NTNG1: variants seen among roughly 807,000 people sequenced by gnomAD.
NTNG1 encodes the protein netrin G1, also known as netrin-G1.
A neutral mutation model predicts 54.0 loss-of-function variants in NTNG1; 16 were observed. The ratio of observed to expected loss-of-function variants is 0.30; its 90% CI spans 0.20 to 0.45. The LOEUF is 0.45. Ranked by LOEUF, NTNG1 falls within the 20% of genes least tolerant of loss-of-function variation. The pLI is 1.00. For missense variants in NTNG1, 530 were observed against 678.7 expected (o/e 0.78, Z 2.43); for synonymous variants, 255 against 263.1 (o/e 0.97, Z 0.30).
intron 7 of NTNG1, among the ~76,000 whole-genome samples, chr1:107,447,030 T>C (rs558926816): frequency 6.6e-6 from 1 of 152,218 alleles, no homozygotes; most frequent in African/African-American, 2.4e-5. Context: ...TTAACAATAT[T>C]CTTTCCCTTA....
intron 3 of NTNG1, among the ~76,000 whole-genome samples, chr1:107,353,675 A>G (rs12070488): frequency 0.21 from 32,026 of 152,078 alleles, 3,895 homozygotes; most frequent in East Asian, 0.43. Context: ...TTTTATGGCA[A>G]TGCCCCACTC....
chr1:107,398,420 T>C (rs180942379), intron 4 of NTNG1, among the ~76,000 whole-genome samples: 1 of 152,268 alleles, frequency 6.6e-6, no homozygotes, highest in East Asian at 1.9e-4. Context: ...AGGGATACCA[T>C]AGATGGGAAC....
At chr1:107,228,613 T>C (rs1660842763) in intron 2 of NTNG1, among the ~76,000 whole-genome samples, 1 of 152,186 alleles carries the variant, frequency 6.6e-6, no homozygotes, top group Non-Finnish European at 1.5e-5. Context: ...ATGGGTGAGA[T>C]AGTTTACAAT....
chr1:107,338,868 GC>G (rs1281505980), intron 3 of NTNG1, among the ~76,000 whole-genome samples: 1 of 112,476 alleles, frequency 8.9e-6, no homozygotes, highest in Non-Finnish European at 2.0e-5. Flanking sequence ...AAAGTAAGAA[GC>G]TTTAAAAAAA....
chr1:107,331,757 C>A (rs980543824), intron 3 of NTNG1, among the ~76,000 whole-genome samples: 3 of 152,052 alleles, frequency 2.0e-5, no homozygotes, highest in Non-Finnish European at 4.4e-5. Context: ...TTAACTTCCA[C>A]ATATAAGTCC....
intron 7 of NTNG1, among the ~76,000 whole-genome samples, chr1:107,474,363 A>G (rs547713742): frequency 7.9e-5 from 12 of 152,348 alleles, no homozygotes; most frequent in Admixed American, 7.8e-4. Context: ...CCTGTTGGGT[A>G]GAAATTTTCA....
At chr1:107,420,688 G>A (rs1263147078) in intron 5 of NTNG1, among the ~76,000 whole-genome samples, 1 of 151,970 alleles carries the variant, frequency 6.6e-6, no homozygotes, top group Non-Finnish European at 1.5e-5. Context: ...TGGTGTATAT[G>A]TCGAATAGTT....
At chr1:107,244,932 G>A (rs1397112505) in intron 2 of NTNG1, among the ~76,000 whole-genome samples, 1 of 152,164 alleles carries the variant, frequency 6.6e-6, no homozygotes, top group African/African-American at 2.4e-5. Context: ...TGGTGTCAGC[G>A]CAGTTCACTG....
At chr1:107,236,503 G>A (rs1186542245) in intron 2 of NTNG1, among the ~76,000 whole-genome samples, 1 of 152,176 alleles carries the variant, frequency 6.6e-6, no homozygotes, top group Non-Finnish European at 1.5e-5. Flanking sequence ...AGGGTTTGAG[G>A]AGCTCAGAGT....
chr1:107,297,173 T>C (rs1486298767), intron 2 of NTNG1, among the ~76,000 whole-genome samples: 1 of 128,074 alleles, frequency 7.8e-6, no homozygotes, highest in Non-Finnish European at 1.6e-5. Context: ...ATATATAACA[T>C]CATATAACAT....
chr1:107,441,960 G>C (rs757699214), intron 7 of NTNG1, among the ~76,000 whole-genome samples: 21 of 152,052 alleles, frequency 1.4e-4, no homozygotes, highest in Non-Finnish European at 2.4e-4. Flanking sequence ...TTTCAATCAA[G>C]ACCACAGACT....
chr1:107,243,825 G>C (rs745856090), intron 2 of NTNG1, among the ~76,000 whole-genome samples: 5 of 152,092 alleles, frequency 3.3e-5, no homozygotes, highest in Non-Finnish European at 5.9e-5. Flanking sequence ...TTAATGTAAG[G>C]ATAGATATAC....
At chr1:107,247,043 TTGA>T (rs1662250082) in intron 2 of NTNG1, among the ~76,000 whole-genome samples, 1 of 152,190 alleles carries the variant, frequency 6.6e-6, no homozygotes. Context: ...GTCTTCCTAC[TTGA>T]TTTTTCACTA....
At chr1:107,454,942 A>C (rs1056690685) in intron 7 of NTNG1, among the ~76,000 whole-genome samples, 1 of 152,164 alleles carries the variant, frequency 6.6e-6, no homozygotes, top group Non-Finnish European at 1.5e-5. Context: ...ACCAACATAC[A>C]TTCATCGTTC....
At chr1:107,242,863 A>T (rs1661938860) in intron 2 of NTNG1, among the ~76,000 whole-genome samples, 1 of 152,222 alleles carries the variant, frequency 6.6e-6, no homozygotes, top group African/African-American at 2.4e-5. Flanking sequence ...AAATTTTTAT[A>T]CTGAAGAGTT....
chr1:107,154,576 A>G (rs993876216), intron 2 of NTNG1, among the ~76,000 whole-genome samples: 9 of 140,898 alleles, frequency 6.4e-5, no homozygotes, highest in Non-Finnish European at 1.2e-4. Context: ...AGCCTAGGCA[A>G]CAAAGCAAGA....
intron 2 of NTNG1, among the ~76,000 whole-genome samples, chr1:107,233,591 C>G (rs1420067483): frequency 6.6e-6 from 1 of 152,078 alleles, no homozygotes; most frequent in Non-Finnish European, 1.5e-5. Flanking sequence ...GCATGGTGGT[C>G]AAGTTCTTTT....
At chr1:107,446,616 T>C (rs1157697527) in intron 7 of NTNG1, among the ~76,000 whole-genome samples, 4 of 152,140 alleles carry the variant, frequency 2.6e-5, no homozygotes, top group Admixed American at 1.3e-4. Flanking sequence ...GTGCTGTGAA[T>C]GTGAACCCCT....
intron 2 of NTNG1, among the ~76,000 whole-genome samples, chr1:107,316,207 A>G (rs939239963): frequency 3.3e-5 from 5 of 152,198 alleles, no homozygotes; most frequent in Non-Finnish European, 7.3e-5. Context: ...TGAGAATAAA[A>G]TATATTTCTA....
Sources: gnomAD v4.1 joint callset for allele counts (sites outside exome capture counted in the v4.1 genomes callset) on GRCh38, gnomAD v4.1.1 for gene constraint, MANE v1.5 for transcripts, NCBI Gene and HGNC (gene_info 2026-07-23, HGNC 2026-07-21) for gene names.